VPS50: variants seen among roughly 807,000 people sequenced by gnomAD.
VPS50 encodes the protein VPS50 subunit of EARP/GARPII complex, also known as syndetin.
In VPS50, 70 loss-of-function variants were observed where a neutral mutation model predicts 139.7. The observed-to-expected ratio is 0.50, with a 90% CI of 0.41 to 0.61. VPS50 has a LOEUF of 0.61. VPS50 is among the 20% of genes least tolerant of loss of function. VPS50 has a pLI of 0.00. For missense variants in VPS50, 921 were observed against 1,133.7 expected, an observed-to-expected ratio of 0.81 and a Z score of 2.69; for synonymous variants, 365 against 376.7, an observed-to-expected ratio of 0.97 and a Z score of 0.36.
At chr7:93,251,957 G>A (rs971586701) in intron 2 of VPS50, among the ~76,000 whole-genome samples, 2 of 152,158 alleles carry the variant, frequency 1.3e-5, no homozygotes, top group Admixed American at 1.3e-4. Context: ...AAATTGCATA[G>A]GATAGGGATG....
chr7:93,236,348 G>C (rs902653307), intron 1 of VPS50, among the ~76,000 whole-genome samples: 1 of 152,166 alleles, frequency 6.6e-6, no homozygotes, highest in Non-Finnish European at 1.5e-5. Flanking sequence ...GGGACTGGGT[G>C]TAAACACTCT....
At chr7:93,239,092 C>A (rs1794903263) in intron 1 of VPS50, among the ~76,000 whole-genome samples, 1 of 151,858 alleles carries the variant, frequency 6.6e-6, no homozygotes, top group Non-Finnish European at 1.5e-5. Flanking sequence ...ATATAGGGCA[C>A]CTAAAGGACA....
chr7:93,252,349 T>G (rs10488536), intron 2 of VPS50, among the ~76,000 whole-genome samples: 48,778 of 152,032 alleles, frequency 0.32, 9,972 homozygotes, highest in East Asian at 0.59. Flanking sequence ...ATGTATGATA[T>G]GTTTAGGTAG....
In VPS50 at chr7:93,296,751, C is replaced by A. The variant is rs751922660; in HGVS notation, c.1177C>A (p.Leu393Ile). ...GLTRIWQDVQ[L>I]KVKTYLLGTD... ...TTTCTTTGCCTTACAGGATGTTCAG[C>A]TAAAAGTAAAAACCTACTTGCTTGG... is the stretch of plus-strand genomic sequence containing the variant. The change falls in exon 15 of 28, where the codon CTA becomes ATA. Residue 393 changes from leucine (L) to isoleucine (I), a missense_variant. By Grantham distance (5) the Leu-to-Ile change is conservative (BLOSUM62 2). Coordinates refer to ENST00000305866, the MANE Select transcript of VPS50 (RefSeq NM_017667.4). 8 of 1,600,758 alleles carry A rather than the reference C, an allele frequency of 5.0e-6. No homozygotes were observed. Among genetic ancestry groups the A allele is most frequent in the Non-Finnish European group, 6.8e-6 (8 of 1,177,078 alleles).
intron 6 of VPS50, 159 bp downstream of exon 6, chr7:93,257,623 A>G (rs1795526920): frequency 2.0e-6 from 1 of 496,652 alleles, no homozygotes; most frequent in African/African-American, 2.0e-5. Context: ...CTACACTAAG[A>G]GGGTTTGTGG....
intron 18 of VPS50, among the ~76,000 whole-genome samples, chr7:93,308,062 T>G (rs1797164458): frequency 6.6e-6 from 1 of 151,926 alleles, no homozygotes; most frequent in Non-Finnish European, 1.5e-5. Flanking sequence ...CAGTGTTAGC[T>G]ATTACTTAAT....
chr7:93,250,834 A>T (rs1349964654), intron 2 of VPS50, among the ~76,000 whole-genome samples: 20 of 152,220 alleles, frequency 1.3e-4, no homozygotes, highest in Admixed American at 1.2e-3. Flanking sequence ...CAAAGAAATT[A>T]AACAAATTTA....
chr7:93,267,936 G>A (rs897127795), intron 9 of VPS50, among the ~76,000 whole-genome samples: 1 of 152,092 alleles, frequency 6.6e-6, no homozygotes, highest in Non-Finnish European at 1.5e-5. Context: ...GGCTTTTCTC[G>A]TTAGTTTAAT....
At chr7:93,314,607 G>T (rs1427187478) in intron 20 of VPS50, among the ~76,000 whole-genome samples, 2 of 152,132 alleles carry the variant, frequency 1.3e-5, no homozygotes, top group Non-Finnish European at 2.9e-5. Flanking sequence ...GCAGGAGCTA[G>T]ATTACCGAAG....
chr7:93,256,351 G>A, intron 4 of VPS50, 158 bp from the exon 5 acceptor site: 1 of 442,760 alleles, frequency 2.3e-6, no homozygotes, highest in Non-Finnish European at 4.0e-6. Flanking sequence ...TAATTTCATA[G>A]CCCAGGGAAA....
rs1796043832 is a variant in VPS50 at position 93,272,640 on chromosome 7, G to T, written c.708G>T (p.Gln236His). 7.6e-6 allele frequency: 11 copies of T among 1,452,686 alleles called. No individual in the cohort carries two copies. The East Asian group carries it at 2.4e-4, about 32-fold the overall frequency. The allele number at this position is 1,452,686 out of a possible 1,614,324, so 90.0% of individuals were successfully genotyped here. Residue 236 changes from glutamine (Q) to histidine (H), a missense_variant, in exon 11 of 28, where the codon CAG becomes CAT. Gln to His is a conservative substitution (Grantham distance 24, BLOSUM62 0). This residue lies in a region of VPS50 where 744 missense variants were observed against 930.6 expected (regional missense o/e 0.80). Transcript: ENST00000305866. ...TTCTTCTTTTAATTATATAGGAACAGCTGGACGTAGCTCTTTCCAAAATCT... is the reference window on the plus strand; with the variant it reads ...TTCTTCTTTTAATTATATAGGAACATCTGGACGTAGCTCTTTCCAAAATCT... ...LQDTLEQIEEQLDVALSKICK... is the reference protein window; with the variant it reads ...LQDTLEQIEEHLDVALSKICK...
At chr7:93,275,178 C>T (rs1034846057) in intron 11 of VPS50, among the ~76,000 whole-genome samples, 1 of 152,122 alleles carries the variant, frequency 6.6e-6, no homozygotes, top group African/African-American at 2.4e-5. Context: ...TACTAGTGAA[C>T]ATGCCATGAA....
chr7:93,272,896 CAG>C, intron 11 of VPS50, 163 bp downstream of exon 11: 1 of 491,968 alleles, frequency 2.0e-6, no homozygotes. Flanking sequence ...CTTGTAGACT[CAG>C]AGGGTATATA....
intron 12 of VPS50, among the ~76,000 whole-genome samples, chr7:93,278,680 C>T (rs1281607826): frequency 6.6e-6 from 1 of 150,606 alleles, no homozygotes; most frequent in Non-Finnish European, 1.5e-5. Flanking sequence ...AATAGCTTAT[C>T]CTTATCCTTA....
chr7:93,268,082 A>T (rs1584407779), intron 9 of VPS50, among the ~76,000 whole-genome samples: 1 of 152,304 alleles, frequency 6.6e-6, no homozygotes, highest in East Asian at 1.9e-4. Flanking sequence ...GACCATAGGA[A>T]ATGGTAGAGC....
At chr7:93,258,420 G>C (rs770491697) in intron 8 of VPS50, 28 bp downstream of exon 8, 3 of 1,571,810 alleles carry the variant, frequency 1.9e-6, no homozygotes, top group Non-Finnish European at 2.6e-6. Flanking sequence ...GGAAATTTAG[G>C]GTCCTACTGA....
intron 20 of VPS50, among the ~76,000 whole-genome samples, chr7:93,322,175 AT>A (rs1797633197): frequency 6.6e-6 from 1 of 152,224 alleles, no homozygotes; most frequent in Admixed American, 6.5e-5. Context: ...ATTATTTAAA[AT>A]CATTTCTCAC....
In VPS50 at chr7:93,346,654, C is replaced by T. The variant is rs972495522; in HGVS notation, c.2208-2057C>T. ...ATAGATCAATGGAACAGAACAGAGC[C>T]CACAGAAATAACACCACATATCTAC... On this transcript the variant is annotated intron_variant, in intron 23 of 27. Coordinates refer to ENST00000305866, the MANE Select transcript of VPS50 (RefSeq NM_017667.4). 4.2e-4 allele frequency among the ~76,000 whole-genome samples: 64 copies of T among 151,792 alleles called. No homozygotes were observed. The South Asian group carries it at 0.013, about 31-fold the overall frequency.
At chr7:93,289,444 T>C (rs1007153383) in intron 12 of VPS50, among the ~76,000 whole-genome samples, 2 of 152,080 alleles carry the variant, frequency 1.3e-5, no homozygotes, top group Non-Finnish European at 2.9e-5. Flanking sequence ...ATATATGTTG[T>C]GAATATTTTA....
Sources: gnomAD v4.1 joint callset for allele counts (sites outside exome capture counted in the v4.1 genomes callset) on GRCh38, gnomAD v4.1.1 for gene constraint, gnomAD v4.1.1 regional missense constraint, MANE v1.5 for transcripts, NCBI Gene and HGNC (gene_info 2026-07-23, HGNC 2026-07-21) for gene names.